Variants in FHIT observed in about 807,000 individuals in gnomAD.
FHIT encodes the protein fragile histidine triad diadenosine triphosphatase.
In FHIT, 19 loss-of-function variants were observed where a neutral mutation model predicts 17.9. The ratio of observed to expected loss-of-function variants is 1.06; its 90% CI spans 0.74 to 1.56. The LOEUF is 1.56. Among genes scored for constraint, FHIT ranks in the 40% most tolerant of loss-of-function variants. The pLI is 0.00. For synonymous variants in FHIT, 81 were observed against 69.7 expected, an observed-to-expected ratio of 1.16 and a Z score of -0.81; for missense variants, 248 against 189.2, an observed-to-expected ratio of 1.31 and a Z score of -1.82.
At chr3:60,188,299 T>A (rs1275570143) in intron 5 of FHIT, among the ~76,000 whole-genome samples, 1 of 151,754 alleles carries the variant, frequency 6.6e-6, no homozygotes, top group Non-Finnish European at 1.5e-5. Context: ...ATGTCCCAGC[T>A]TTCTGTTATT....
intron 4 of FHIT, among the ~76,000 whole-genome samples, chr3:60,552,086 G>GATAT (rs1377553359): frequency 6.6e-6 from 1 of 151,978 alleles, no homozygotes; most frequent in Non-Finnish European, 1.5e-5. Context: ...GGAGTCATAC[G>GATAT]ATATATAGCC....
At chr3:60,326,225 T>G (rs1268654766) in intron 5 of FHIT, among the ~76,000 whole-genome samples, 1 of 152,150 alleles carries the variant, frequency 6.6e-6, no homozygotes, top group South Asian at 2.1e-4. Context: ...TTTATATTAT[T>G]ATTACATTGT....
At chr3:60,655,581 G>A (rs1412553994) in intron 4 of FHIT, among the ~76,000 whole-genome samples, 1 of 152,092 alleles carries the variant, frequency 6.6e-6, no homozygotes, top group Non-Finnish European at 1.5e-5. Context: ...GATGACATTC[G>A]GGGGTTTGGA....
chr3:60,368,862 C>G (rs894339486), intron 5 of FHIT, among the ~76,000 whole-genome samples: 6 of 151,450 alleles, frequency 4.0e-5, no homozygotes, highest in Non-Finnish European at 8.8e-5. Flanking sequence ...CTTTTTTTTC[C>G]TGTTTAGATA....
intron 4 of FHIT, among the ~76,000 whole-genome samples, chr3:60,660,386 C>G (rs1378629525): frequency 2.6e-5 from 4 of 152,088 alleles, no homozygotes; most frequent in African/African-American, 9.7e-5. Flanking sequence ...GGAATCTGTG[C>G]AAGGATGCCT....
At chr3:60,367,504 A>G (rs926151516) in intron 5 of FHIT, among the ~76,000 whole-genome samples, 3 of 152,224 alleles carry the variant, frequency 2.0e-5, no homozygotes, top group African/African-American at 7.2e-5. Flanking sequence ...GAAGTGGGAA[A>G]ATCTCAAACT....
intron 5 of FHIT, among the ~76,000 whole-genome samples, chr3:60,335,019 T>A (rs537431831): frequency 1.3e-5 from 2 of 152,160 alleles, no homozygotes; most frequent in Admixed American, 6.5e-5. Flanking sequence ...TTGCTTTAAA[T>A]GGACAAAATT....
At chr3:60,640,559 G>A (rs1264554382) in intron 4 of FHIT, among the ~76,000 whole-genome samples, 4 of 152,086 alleles carry the variant, frequency 2.6e-5, no homozygotes, top group African/African-American at 9.7e-5. Flanking sequence ...CACTTAAAAT[G>A]TGTGCACTTT....
At chr3:60,639,654 C>A (rs2039677193) in intron 4 of FHIT, among the ~76,000 whole-genome samples, 1 of 152,112 alleles carries the variant, frequency 6.6e-6, no homozygotes, top group African/African-American at 2.4e-5. Context: ...TAACATATCT[C>A]TGCAAGAAGA....
intron 7 of FHIT, among the ~76,000 whole-genome samples, chr3:59,956,213 C>G (rs1026080731): frequency 2.6e-5 from 4 of 152,128 alleles, no homozygotes; most frequent in African/African-American, 9.7e-5. Context: ...AGCCCCAGCT[C>G]TGGAGTCAAA....
At chr3:60,862,433 G>T (rs1456634034) in intron 3 of FHIT, among the ~76,000 whole-genome samples, 1 of 152,088 alleles carries the variant, frequency 6.6e-6, no homozygotes, top group Non-Finnish European at 1.5e-5. Context: ...CTCCCAAAGT[G>T]CTTGGGATTA....
At chr3:61,197,765 G>T (rs2038895259) in intron 2 of FHIT, among the ~76,000 whole-genome samples, 1 of 152,080 alleles carries the variant, frequency 6.6e-6, no homozygotes, top group Non-Finnish European at 1.5e-5. Context: ...GTAAACCGAA[G>T]AAAATCTCAG....
intron 7 of FHIT, among the ~76,000 whole-genome samples, chr3:59,995,495 G>A (rs1468790858): frequency 6.6e-6 from 1 of 152,022 alleles, no homozygotes; most frequent in East Asian, 1.9e-4. Flanking sequence ...CAGAGGTTAA[G>A]AAAAAACTCA....
chr3:60,693,092 G>A (rs371684315), intron 4 of FHIT, among the ~76,000 whole-genome samples: 10 of 152,240 alleles, frequency 6.6e-5, no homozygotes, highest in South Asian at 6.2e-4. Flanking sequence ...TAGTGGCAGC[G>A]ACTTCTTTTT....
intron 2 of FHIT, among the ~76,000 whole-genome samples, chr3:61,158,995 G>A (rs1037308064): frequency 5.3e-5 from 8 of 152,196 alleles, no homozygotes; most frequent in African/African-American, 1.9e-4. Flanking sequence ...CAGCACTGCT[G>A]CTAATTTTTT....
intron 5 of FHIT, among the ~76,000 whole-genome samples, chr3:60,226,804 G>A (rs899753285): frequency 1.3e-5 from 2 of 152,106 alleles, no homozygotes; most frequent in East Asian, 1.9e-4. Flanking sequence ...TTTGGAGCAC[G>A]CATCTATCTG....
chr3:60,178,575 G>T (rs1701785771), intron 5 of FHIT, among the ~76,000 whole-genome samples: 2 of 152,088 alleles, frequency 1.3e-5, no homozygotes, highest in Non-Finnish European at 2.9e-5. Context: ...GACACAGCAA[G>T]ACTCTGTTGG....
At chr3:59,762,576 T>C (rs1409650092) in intron 8 of FHIT, among the ~76,000 whole-genome samples, 1 of 152,180 alleles carries the variant, frequency 6.6e-6, no homozygotes, top group Non-Finnish European at 1.5e-5. Context: ...ATTTGCTGTA[T>C]GTCTAGTGCT....
intron 5 of FHIT, among the ~76,000 whole-genome samples, chr3:60,472,370 T>C (rs2033131691): frequency 1.7e-5 from 1 of 58,534 alleles, no homozygotes; most frequent in Non-Finnish European, 2.9e-5. Flanking sequence ...CAATGCTGTA[T>C]TTTTTTTTTT....
Sources: gnomAD v4.1 joint callset for allele counts (sites outside exome capture counted in the v4.1 genomes callset) on GRCh38, gnomAD v4.1.1 for gene constraint, MANE v1.5 for transcripts, NCBI Gene and HGNC (gene_info 2026-07-23, HGNC 2026-07-21) for gene names.